The following PRPSAP2 variants were observed in gnomAD, a reference collection of about 807,000 sequenced individuals.
The protein encoded by PRPSAP2 is phosphoribosyl pyrophosphate synthase-associated protein 2.
In PRPSAP2, 24 loss-of-function variants were observed where a neutral mutation model predicts 40.6. The ratio of observed to expected loss-of-function variants is 0.59; its 90% CI spans 0.43 to 0.83. The LOEUF is 0.83. Ranked by LOEUF, PRPSAP2 falls within the 40% of genes least tolerant of loss-of-function variation. The pLI, the probability that PRPSAP2 is intolerant of heterozygous loss-of-function variation, is 0.00. For missense variants in PRPSAP2, 292 were observed against 465.6 expected, an observed-to-expected ratio of 0.63 and a Z score of 3.43; for synonymous variants, 149 against 164.7, an observed-to-expected ratio of 0.90 and a Z score of 0.73.
rs141322461 is a variant in PRPSAP2, at chr17:18,886,416, C to T, written c.529-3406C>T. On this transcript the variant is annotated intron_variant, in intron 7 of 11. Transcript: ENST00000268835. ...TGTCGCCCAGGCTGGAGTGCAGTGG[C>T]GCAATCTCAGCTTACTGCAAGCTCC... 2.8e-3 allele frequency among the ~76,000 whole-genome samples: 422 copies of T among 151,248 alleles called. 4 individuals carry two copies. The highest frequency in any genetic ancestry group is 9.8e-3 in the African/African-American group (401 of 41,118).
chr17:18,919,026 C>T (rs2041534801), intron 9 of PRPSAP2, among the ~76,000 whole-genome samples: 1 of 151,958 alleles, frequency 6.6e-6, no homozygotes, highest in Admixed American at 6.6e-5. Flanking sequence ...GGGTTGGTAA[C>T]AATGGGAATG....
intron 7 of PRPSAP2, among the ~76,000 whole-genome samples, chr17:18,884,335 A>G (rs572251290): frequency 2.2e-4 from 13 of 59,186 alleles, no homozygotes; most frequent in Admixed American, 8.9e-4. Context: ...ATTTTACCTG[A>G]AAAATTTTAT....
At chr17:18,920,759 A>G (rs1442657362) in intron 9 of PRPSAP2, among the ~76,000 whole-genome samples, 19 of 152,208 alleles carry the variant, frequency 1.2e-4, no homozygotes, top group Admixed American at 1.2e-3. Flanking sequence ...AGCACTATAT[A>G]TAATATTTGA....
intron 9 of PRPSAP2, among the ~76,000 whole-genome samples, chr17:18,913,818 C>T (rs1208029489): frequency 2.0e-5 from 3 of 151,496 alleles, no homozygotes; most frequent in African/African-American, 7.3e-5. Flanking sequence ...AAAGTGCTTA[C>T]AGGTGTGAGC....
intron 9 of PRPSAP2, among the ~76,000 whole-genome samples, chr17:18,915,403 C>A (rs1417272385): frequency 6.6e-6 from 1 of 152,168 alleles, no homozygotes; most frequent in Admixed American, 6.5e-5. Flanking sequence ...TTCTTTACAG[C>A]TGTTTTCTTC....
intron 7 of PRPSAP2, among the ~76,000 whole-genome samples, chr17:18,885,903 A>C (rs574297147): frequency 2.8e-4 from 43 of 152,058 alleles, no homozygotes; most frequent in Non-Finnish European, 5.1e-4. Flanking sequence ...TTGTGTTTTT[A>C]GTAGAGATAG....
intron 1 of PRPSAP2, among the ~76,000 whole-genome samples, chr17:18,859,043 G>A (rs2036810870): frequency 6.6e-6 from 1 of 152,038 alleles, no homozygotes; most frequent in Non-Finnish European, 1.5e-5. Flanking sequence ...ATACTTTTGC[G>A]TCGTGTTGAA....
At chr17:18,877,652 CTG>C in intron 5 of PRPSAP2, 44 bp from the exon 6 acceptor site, 1 of 1,529,720 alleles carries the variant, frequency 6.5e-7, no homozygotes, top group African/African-American at 1.4e-5. Flanking sequence ...ACAGGGAATA[CTG>C]TGTTGTAGAT....
At chr17:18,863,019 A>G (rs1196106960) in intron 1 of PRPSAP2, among the ~76,000 whole-genome samples, 1 of 151,776 alleles carries the variant, frequency 6.6e-6, no homozygotes, top group Non-Finnish European at 1.5e-5. Context: ...ACGGGGCTTC[A>G]CTGTGTTAGC....
At chr17:18,916,601 C>T (rs567377196) in intron 9 of PRPSAP2, among the ~76,000 whole-genome samples, 5 of 151,962 alleles carry the variant, frequency 3.3e-5, no homozygotes, top group Admixed American at 3.3e-4. Flanking sequence ...AGGCTGGTCG[C>T]GAACCCCTGA....
Position 18,867,281 on chromosome 17 carries a change from G to A in PRPSAP2, c.120-1G>A, listed in dbSNP as rs1254912720. 2 of 1,613,910 alleles carry A rather than the reference G, an allele frequency of 1.2e-6. No individual in the cohort carries two copies. The highest frequency in any genetic ancestry group is 1.7e-5 in the Admixed American group (1 of 59,982). On this transcript the variant is annotated splice_acceptor_variant, in intron 3 of 11. Coordinates refer to ENST00000268835, the MANE Select transcript of PRPSAP2 (RefSeq NM_002767.4). LOFTEE classifies it high-confidence loss of function. ...GCTTTTTCCCCCTTTCTCTTCTCTA[G>A]GCGGCTAGGGGTGGAGATGGGCAAA...
chr17:18,916,145 G>A (rs2041295826), intron 9 of PRPSAP2, among the ~76,000 whole-genome samples: 1 of 151,940 alleles, frequency 6.6e-6, no homozygotes, highest in Non-Finnish European at 1.5e-5. Flanking sequence ...TTTTAGTGGA[G>A]ACAAACTACA....
chr17:18,872,915 T>C (rs2037995784), intron 5 of PRPSAP2, among the ~76,000 whole-genome samples: 1 of 151,856 alleles, frequency 6.6e-6, no homozygotes, highest in African/African-American at 2.4e-5. Context: ...CAATCTCAGC[T>C]CACTGTAACC....
chr17:18,894,179 C>T (rs1055747792), intron 8 of PRPSAP2, among the ~76,000 whole-genome samples: 5 of 150,790 alleles, frequency 3.3e-5, no homozygotes, highest in South Asian at 2.1e-4. Flanking sequence ...TCTTTTGAGA[C>T]GGAGTTTCGC....
chr17:18,911,250 C>T lies in PRPSAP2; in HGVS notation c.732C>T (p.Pro244=), dbSNP rs2151953263. The change falls in exon 9 of 12, where the codon CCC becomes CCT. Residue 244 remains proline, a splice_region_variant and synonymous_variant. Transcript: ENST00000268835. The surrounding 1 kb of genome is among the most constrained non-coding windows in gnomAD (Gnocchi z 4.5). ...VAAIHPSLEI[P]MLIPKEKPPI... ...CCATCCACCCCAGCCTGGAGATCCC[C>T]AGTAAGTGTGCTGCTGCCTCTTTCC... is the stretch of plus-strand genomic sequence containing the variant. 1.2e-6 allele frequency: 2 copies of T among 1,607,102 alleles called. No homozygotes were observed. The highest frequency in any genetic ancestry group is 1.7e-6 in the Non-Finnish European group (2 of 1,175,088).
intron 8 of PRPSAP2, among the ~76,000 whole-genome samples, chr17:18,901,897 T>G (rs1454363084): frequency 1.3e-5 from 2 of 152,166 alleles, no homozygotes; most frequent in African/African-American, 4.8e-5. Context: ...TCCTCCTGCC[T>G]TAGTCTCCTG....
chr17:18,887,500 A>G (rs1331785786), intron 7 of PRPSAP2, among the ~76,000 whole-genome samples: 2 of 149,790 alleles, frequency 1.3e-5, no homozygotes, highest in African/African-American at 2.5e-5. Context: ...AAGTGCTGGG[A>G]TTATGGGCAT....
intron 8 of PRPSAP2, among the ~76,000 whole-genome samples, chr17:18,892,547 C>T (rs550035362): frequency 3.3e-5 from 5 of 149,744 alleles, no homozygotes; most frequent in East Asian, 2.0e-4. Flanking sequence ...TCTACCTTAT[C>T]GTGGTTTTCA....
At chr17:18,880,809 A>G (rs760881007) in intron 6 of PRPSAP2, among the ~76,000 whole-genome samples, 7 of 152,030 alleles carry the variant, frequency 4.6e-5, no homozygotes, top group Non-Finnish European at 8.8e-5. Flanking sequence ...TATTACTGTT[A>G]TCTTTGCTAT....
Sources: gnomAD v4.1 joint callset for allele counts (sites outside exome capture counted in the v4.1 genomes callset) on GRCh38, gnomAD v4.1.1 for gene constraint, Gnocchi (gnomAD v3.1) non-coding constraint, MANE v1.5 for transcripts, NCBI Gene and HGNC (gene_info 2026-07-23, HGNC 2026-07-21) for gene names.